The following PCDH15 variants were observed in gnomAD, a reference collection of about 807,000 sequenced individuals.
The protein encoded by PCDH15 is protocadherin-15.
In PCDH15, 129 loss-of-function variants were observed where a neutral mutation model predicts 178.5. That is an observed-to-expected ratio of 0.72 (90% confidence interval 0.63 to 0.84). The LOEUF (loss-of-function observed/expected upper bound fraction) is 0.84, where lower values mean the gene tolerates loss of function less well. Among genes scored for constraint, PCDH15 ranks in the 40% least tolerant of loss-of-function variants. The probability of loss-of-function intolerance (pLI) is 0.00; values close to 1 mark genes in which losing one functional copy is unlikely to be tolerated. For missense variants in PCDH15, 2,230 were observed against 2,099.9 expected (o/e 1.06, Z -1.21); for synonymous variants, 800 against 732.0 (o/e 1.09, Z -1.50).
intron 2 of PCDH15, among the ~76,000 whole-genome samples, chr10:55,470,511 G>GT (rs1345779551): frequency 3.3e-5 from 5 of 152,054 alleles, no homozygotes; most frequent in East Asian, 3.8e-4. Context: ...TTTGATAACA[G>GT]TTTTTTTAAA....
chr10:55,122,089 C>T (rs867756631), intron 2 of PCDH15, among the ~76,000 whole-genome samples: 1 of 152,088 alleles, frequency 6.6e-6, no homozygotes, highest in Non-Finnish European at 1.5e-5. Flanking sequence ...TAATCTTTCC[C>T]TTCTTAATTT....
At chr10:54,945,197 A>C (rs1439680680) in intron 2 of PCDH15, among the ~76,000 whole-genome samples, 11 of 151,892 alleles carry the variant, frequency 7.2e-5, no homozygotes, top group Admixed American at 7.2e-4. Flanking sequence ...CAGTGAAACT[A>C]TTTCAAAAGG....
chr10:54,516,780 G>A (rs1481584423), intron 3 of PCDH15, among the ~76,000 whole-genome samples: 5 of 152,112 alleles, frequency 3.3e-5, no homozygotes, highest in Admixed American at 1.3e-4. Context: ...AAGTTGAAAT[G>A]AAGGAAAAAA....
chr10:55,444,677 A>G (rs1468540280), intron 2 of PCDH15, among the ~76,000 whole-genome samples: 2 of 152,182 alleles, frequency 1.3e-5, no homozygotes, highest in East Asian at 3.8e-4. Context: ...ACAGCAAGGA[A>G]GAAGAAATCT....
chr10:55,261,682 A>G (rs747969719), intron 1 of PCDH15, among the ~76,000 whole-genome samples: 19 of 152,176 alleles, frequency 1.2e-4, no homozygotes, highest in Non-Finnish European at 2.5e-4. Context: ...TTAGATGACT[A>G]TTCTTAATTT....
At chr10:54,075,708 C>T (rs1033086748) in intron 17 of PCDH15, among the ~76,000 whole-genome samples, 10 of 152,216 alleles carry the variant, frequency 6.6e-5, no homozygotes, top group East Asian at 1.9e-4. Context: ...CAACTTCATT[C>T]GTTTGCATGT....
chr10:54,401,333 G>T (rs1951906405), intron 3 of PCDH15, among the ~76,000 whole-genome samples: 1 of 151,522 alleles, frequency 6.6e-6, no homozygotes, highest in African/African-American at 2.4e-5. Flanking sequence ...AGAGATTTAG[G>T]GCAAGCAAAG....
At chr10:55,296,024 T>C (rs1405821906) in intron 1 of PCDH15, among the ~76,000 whole-genome samples, 2 of 152,172 alleles carry the variant, frequency 1.3e-5, no homozygotes, top group Non-Finnish European at 2.9e-5. Context: ...TACTTTGCTG[T>C]AATGACTCAC....
intron 2 of PCDH15, among the ~76,000 whole-genome samples, chr10:54,604,915 G>C (rs1266112442): frequency 2.0e-5 from 3 of 151,144 alleles, no homozygotes; most frequent in Non-Finnish European, 4.4e-5. Flanking sequence ...ACTACTGTAG[G>C]TAGTAGATTT....
chr10:54,719,129 G>A (rs2384522), intron 1 of PCDH15, among the ~76,000 whole-genome samples: 132,127 of 151,642 alleles, frequency 0.87, 58,200 homozygotes, highest in Middle Eastern at 0.93. Flanking sequence ...GAAATCAGAA[G>A]AACAATTCAG....
chr10:54,062,801 G>T (rs1486512704), intron 18 of PCDH15, among the ~76,000 whole-genome samples: 8 of 151,934 alleles, frequency 5.3e-5, no homozygotes, highest in African/African-American at 1.9e-4. Flanking sequence ...AAAAGGAAAA[G>T]AAATTTAACT....
intron 13 of PCDH15, among the ~76,000 whole-genome samples, chr10:54,154,716 G>A (rs145453668): frequency 7.2e-5 from 11 of 152,192 alleles, no homozygotes; most frequent in African/African-American, 2.6e-4. Flanking sequence ...CATAGACATA[G>A]CAGCAAAAAA....
chr10:55,335,360 G>C (rs1035404665), intron 2 of PCDH15, among the ~76,000 whole-genome samples: 2 of 152,100 alleles, frequency 1.3e-5, no homozygotes, highest in African/African-American at 2.4e-5. Context: ...GAGAGGGAAA[G>C]AGCAAAAGTG....
intron 2 of PCDH15, among the ~76,000 whole-genome samples, chr10:55,604,230 C>A (rs1229317701): frequency 1.1e-5 from 1 of 88,634 alleles, no homozygotes; most frequent in African/African-American, 4.7e-5. Flanking sequence ...TACAGGAGCA[C>A]CCAGATTCAT....
At chr10:54,771,938 T>C (rs1056257930) in intron 1 of PCDH15, among the ~76,000 whole-genome samples, 9 of 152,154 alleles carry the variant, frequency 5.9e-5, no homozygotes, top group Admixed American at 1.3e-4. Flanking sequence ...TTGTACCACA[T>C]TGCAAAATAG....
chr10:54,987,282 T>A (rs1839395450), intron 2 of PCDH15, among the ~76,000 whole-genome samples: 1 of 152,206 alleles, frequency 6.6e-6, no homozygotes, highest in African/African-American at 2.4e-5. Context: ...GCATTTGGGT[T>A]CATTCCAAGT....
intron 2 of PCDH15, among the ~76,000 whole-genome samples, chr10:54,602,617 T>C (rs1462119822): frequency 6.6e-6 from 1 of 152,012 alleles, no homozygotes; most frequent in Non-Finnish European, 1.5e-5. Context: ...ATATGGCTAT[T>C]ATTGTGATGA....
chr10:54,097,068 T>C (rs1044180152), intron 15 of PCDH15, among the ~76,000 whole-genome samples: 1 of 152,178 alleles, frequency 6.6e-6, no homozygotes, highest in Non-Finnish European at 1.5e-5. Context: ...TCTGGAAAGA[T>C]CACTCCAGGC....
intron 1 of PCDH15, among the ~76,000 whole-genome samples, chr10:54,676,836 T>C (rs762143490): frequency 2.6e-5 from 4 of 152,210 alleles, no homozygotes; most frequent in Non-Finnish European, 5.9e-5. Flanking sequence ...TCATTTTCCT[T>C]TCCAGTGTCA....
Sources: gnomAD v4.1 joint callset for allele counts (sites outside exome capture counted in the v4.1 genomes callset) on GRCh38, gnomAD v4.1.1 for gene constraint, MANE v1.5 for transcripts, NCBI Gene and HGNC (gene_info 2026-07-23, HGNC 2026-07-21) for gene names.